SLC4A7: variants seen among roughly 807,000 people sequenced by gnomAD.
The protein encoded by SLC4A7 is sodium bicarbonate cotransporter 3.
In SLC4A7, 51 loss-of-function variants were observed where a neutral mutation model predicts 137.6. The ratio of observed to expected loss-of-function variants is 0.37; its 90% CI spans 0.30 to 0.47. SLC4A7 has a LOEUF of 0.47. Ranked by LOEUF, SLC4A7 falls within the 20% of genes least tolerant of loss-of-function variation. The pLI, the probability that SLC4A7 is intolerant of heterozygous loss-of-function variation, is 1.00. For missense variants in SLC4A7, 1,247 were observed against 1,525.4 expected, an observed-to-expected ratio of 0.82 and a Z score of 3.04; for synonymous variants, 542 against 518.6, an observed-to-expected ratio of 1.05 and a Z score of -0.61.
chr3:27,388,982 T>C (rs1401414815), intron 22 of SLC4A7, among the ~76,000 whole-genome samples: 2 of 152,156 alleles, frequency 1.3e-5, no homozygotes, highest in Non-Finnish European at 2.9e-5. Flanking sequence ...ATCAAGTCCC[T>C]TGAATCATCT....
At chr3:27,480,035 T>G (rs906983739) in intron 1 of SLC4A7, among the ~76,000 whole-genome samples, 2 of 152,186 alleles carry the variant, frequency 1.3e-5, no homozygotes, top group African/African-American at 4.8e-5. Context: ...AATATATTGG[T>G]TAGCACACCA....
At chr3:27,423,689 G>A (rs3816926) in intron 8 of SLC4A7, 25,302 of 183,780 alleles carry the variant, frequency 0.14, 1,766 homozygotes, top group Middle Eastern at 0.21. Flanking sequence ...CAGAATTAAC[G>A]TTCTAGTGGT....
At chr3:27,427,049 A>C (rs1056512772) in intron 7 of SLC4A7, among the ~76,000 whole-genome samples, 2 of 152,220 alleles carry the variant, frequency 1.3e-5, no homozygotes, top group Non-Finnish European at 2.9e-5. Flanking sequence ...AAAGTGAGGT[A>C]GTTACAGCAA....
intron 1 of SLC4A7, among the ~76,000 whole-genome samples, chr3:27,464,272 G>A (rs1274279789): frequency 6.6e-6 from 1 of 152,208 alleles, no homozygotes; most frequent in Non-Finnish European, 1.5e-5. Flanking sequence ...AATATAGAAG[G>A]ATATATAAGT....
At chr3:27,425,226 C>T (rs894926308) in intron 7 of SLC4A7, among the ~76,000 whole-genome samples, 3 of 151,672 alleles carry the variant, frequency 2.0e-5, no homozygotes, top group African/African-American at 7.3e-5. Flanking sequence ...CAAAATAAGC[C>T]GGGCGTGATG....
chr3:27,400,222 C>T (rs187919478), intron 16 of SLC4A7, among the ~76,000 whole-genome samples: 1 of 152,348 alleles, frequency 6.6e-6, no homozygotes, highest in Non-Finnish European at 1.5e-5. Context: ...ATTCAGCACA[C>T]AGTAGGTGTT....
chr3:27,421,358 TG>T (rs920500382), intron 9 of SLC4A7, among the ~76,000 whole-genome samples: 32 of 152,128 alleles, frequency 2.1e-4, no homozygotes, highest in African/African-American at 7.5e-4. Flanking sequence ...TAGCTAGGCA[TG>T]GTGCTGCACA....
chr3:27,386,373 T>G (rs1488122855), intron 22 of SLC4A7, among the ~76,000 whole-genome samples: 1 of 152,092 alleles, frequency 6.6e-6, no homozygotes, highest in Non-Finnish European at 1.5e-5. Context: ...GTATATATAA[T>G]TTTTAAAAAT....
At chr3:27,406,151 G>A (rs2053327417) in intron 13 of SLC4A7, among the ~76,000 whole-genome samples, 1 of 152,232 alleles carries the variant, frequency 6.6e-6, no homozygotes, top group South Asian at 2.1e-4. Flanking sequence ...TAGATTTCCA[G>A]TGGGAAGACT....
chr3:27,391,628 C>A, intron 21 of SLC4A7, 112 bp downstream of exon 21: 1 of 661,698 alleles, frequency 1.5e-6, no homozygotes, highest in Non-Finnish European at 2.7e-6. Context: ...GAAAACTAAC[C>A]TCCCCTCAAA....
intron 15 of SLC4A7, among the ~76,000 whole-genome samples, chr3:27,402,699 CAA>C (rs5847462): frequency 1.3e-4 from 19 of 143,814 alleles, no homozygotes; most frequent in African/African-American, 1.5e-4. Flanking sequence ...ACTCCGTCTC[CAA>C]AAAAAAAAAA....
chr3:27,450,273 C>T (rs768286428), intron 2 of SLC4A7, among the ~76,000 whole-genome samples: 190 of 152,030 alleles, frequency 1.2e-3, no homozygotes, highest in Non-Finnish European at 2.0e-3. Context: ...AATTAAATCT[C>T]AACTACTAGA....
intron 6 of SLC4A7, among the ~76,000 whole-genome samples, chr3:27,432,822 C>T (rs2056421405): frequency 6.6e-6 from 1 of 152,030 alleles, no homozygotes; most frequent in Non-Finnish European, 1.5e-5. Flanking sequence ...AATAGGGTCC[C>T]TCTGGATAAA....
At chr3:27,397,132 G>T (rs1248857449) in intron 18 of SLC4A7, among the ~76,000 whole-genome samples, 2 of 152,066 alleles carry the variant, frequency 1.3e-5, no homozygotes, top group African/African-American at 4.8e-5. Context: ...GGGTTCAAGC[G>T]ATTCTCCTGC....
chr3:27,436,671 C>A (rs2056762596), intron 4 of SLC4A7, 123 bp from the exon 5 acceptor site: 3 of 651,462 alleles, frequency 4.6e-6, no homozygotes, highest in Non-Finnish European at 7.2e-6. Flanking sequence ...AAACCACGAC[C>A]AAACACGTTT....
At chr3:27,421,228 A>G (rs2054937854) in intron 9 of SLC4A7, among the ~76,000 whole-genome samples, 1 of 150,258 alleles carries the variant, frequency 6.7e-6, no homozygotes, top group Admixed American at 6.6e-5. Context: ...GGCTGGGCAC[A>G]GTGGCTCACG....
At chr3:27,383,039 C>G (rs1435450649) in intron 24 of SLC4A7, 114 bp downstream of exon 24, 1 of 678,644 alleles carries the variant, frequency 1.5e-6, no homozygotes, top group Non-Finnish European at 2.5e-6. Flanking sequence ...ACACCATATG[C>G]AGATTGTATC....
intron 3 of SLC4A7, among the ~76,000 whole-genome samples, chr3:27,445,363 G>A (rs1435875458): frequency 6.6e-5 from 10 of 152,010 alleles, no homozygotes; most frequent in Non-Finnish European, 1.2e-4. Flanking sequence ...GGCTCTGTTT[G>A]GGTTCCCCTC....
At chr3:27,398,013 A>T in intron 17 of SLC4A7, 179 bp downstream of exon 17, 1 of 619,614 alleles carries the variant, frequency 1.6e-6, no homozygotes. Context: ...TGGTACCATC[A>T]TCTTCCTACT....
Sources: allele counts gnomAD v4.1 joint callset (sites outside exome capture counted in the v4.1 genomes callset), GRCh38; gene constraint gnomAD v4.1.1; transcripts MANE v1.5; gene names NCBI Gene and HGNC (gene_info 2026-07-23, HGNC 2026-07-21).